UTP20: variants seen among roughly 807,000 people sequenced by gnomAD.
UTP20 encodes the protein small subunit processome component 20 homolog.
A neutral mutation model predicts 329.5 loss-of-function variants in UTP20; 164 were observed. The observed-to-expected ratio is 0.50, with a 90% CI of 0.44 to 0.57. UTP20 has a LOEUF of 0.57. Among genes scored for constraint, UTP20 ranks in the 20% least tolerant of loss-of-function variants. UTP20 has a pLI of 0.00. For synonymous variants in UTP20, 1,151 were observed against 1,159.3 expected (o/e 0.99, Z 0.14); for missense variants, 3,055 against 3,284.2 (o/e 0.93, Z 1.71).
At position 101,338,824 on chromosome 12, in the gene UTP20, A is replaced by G. The variant is rs777969594; in HGVS notation, c.3880A>G (p.Ile1294Val). ...ACTATCTATTTCAGAGTCTATCACA[A>G]TAGGAGGAAGATTAATTCTACCTCA... is the stretch of plus-strand genomic sequence containing the variant. ...IAENIGESIT[I>V]GGRLILPHVP... The change falls in exon 31 of 62, where the codon ATA (isoleucine) becomes GTA (valine). Residue 1294 changes from isoleucine (I) to valine (V), a missense_variant. This residue lies in a region of UTP20 where 2,445 missense variants were observed against 2,575.5 expected (regional missense o/e 0.95). Transcript: ENST00000261637. The G allele has an allele frequency of 1.9e-6, 3 of 1,608,568 alleles. No individual in the cohort carries two copies. The highest frequency in any genetic ancestry group is 1.1e-5 in the South Asian group (1 of 90,042).
In UTP20 at chr12:101,280,275, C is replaced by T. The variant is rs572663695; in HGVS notation, c.-8C>T. The T allele has an allele frequency of 1.8e-4, 281 of 1,551,764 alleles. No individual in the cohort carries two copies. Among genetic ancestry groups the T allele is most frequent in the Non-Finnish European group, 2.3e-4 (267 of 1,147,002 alleles). The stretch of plus-strand genomic sequence containing the variant: ...GAGGCCGTCGCGGGCCACTGGCCCT[C>T]TGCAGCCATGAAGACAAAGCCCGTT... On this transcript the variant is annotated 5_prime_UTR_variant, in exon 1 of 62. Coordinates refer to ENST00000261637, the MANE Select transcript of UTP20 (RefSeq NM_014503.3).
At chr12:101,335,569 C>T (rs901320640) in intron 29 of UTP20, among the ~76,000 whole-genome samples, 1 of 152,200 alleles carries the variant, frequency 6.6e-6, no homozygotes, top group African/African-American at 2.4e-5. Flanking sequence ...TTTTCTAGAC[C>T]ATTGTCTTCT....
chr12:101,372,107 C>T (rs539331825), intron 51 of UTP20, among the ~76,000 whole-genome samples: 1 of 152,350 alleles, frequency 6.6e-6, no homozygotes, highest in East Asian at 1.9e-4. Flanking sequence ...TAAGCACTAG[C>T]TGTGTGCCTA....
chr12:101,357,142 G>C, intron 43 of UTP20, 60 bp downstream of exon 43: 1 of 1,493,180 alleles, frequency 6.7e-7, no homozygotes, highest in Non-Finnish European at 9.1e-7. Context: ...TTTGCAGCTT[G>C]AACACTGTAA....
Position 101,373,605 on chromosome 12 carries a change from C to T in UTP20, c.6969C>T (p.Cys2323=), listed in dbSNP as rs145030584. 3.6e-5 allele frequency: 58 copies of T among 1,611,178 alleles called. No homozygotes were observed. Among genetic ancestry groups the T allele is most frequent in the African/African-American group, 9.4e-5 (7 of 74,708 alleles). Reference sequence around the variant, plus strand: ...TTTAGGGGCTGCTCCATGAGAACTGCGGAATGTTCTTTATCCCTCTTTGTC... The same window carrying T: ...TTTAGGGGCTGCTCCATGAGAACTGTGGAATGTTCTTTATCCCTCTTTGTC... ...TFPQGLLHEN[C]GMFFIPLCLM... Residue 2323 remains cysteine (C), a synonymous_variant, in exon 54 of 62, where the codon TGC becomes TGT. Coordinates refer to ENST00000261637, the MANE Select transcript of UTP20 (RefSeq NM_014503.3).
intron 5 of UTP20, among the ~76,000 whole-genome samples, chr12:101,286,800 CCTCTTGGCAT>C (rs1189543642): frequency 6.6e-6 from 1 of 152,046 alleles, no homozygotes; most frequent in Admixed American, 6.6e-5. Context: ...TACTCTCTAT[CCTCTTGGCAT>C]TTTTTAACCA....
At chr12:101,343,829 A>G (rs1869233841) in intron 35 of UTP20, among the ~76,000 whole-genome samples, 1 of 152,188 alleles carries the variant, frequency 6.6e-6, no homozygotes, top group African/African-American at 2.4e-5. Context: ...AAGTTTTTTA[A>G]AAGGGTGAAT....
At chr12:101,294,143 C>T (rs1231612958) in intron 11 of UTP20, among the ~76,000 whole-genome samples, 1 of 151,976 alleles carries the variant, frequency 6.6e-6, no homozygotes, top group Non-Finnish European at 1.5e-5. Context: ...TCATGCCATT[C>T]TCCTGCCTCA....
At chr12:101,368,087 G>A (rs1870157648) in intron 48 of UTP20, 111 bp downstream of exon 48, 4 of 767,576 alleles carry the variant, frequency 5.2e-6, no homozygotes, top group Non-Finnish European at 8.4e-6. Flanking sequence ...GATGATTGAG[G>A]TGTTTTTGTT....
Position 101,363,619 on chromosome 12 carries a change from A to C in UTP20, c.5834A>C (p.Glu1945Ala). Reference sequence around the variant, plus strand: ...TTTGGTGCTGTTGCTGAAGAGAAGGAAGTAAAGCAGATCCTCTCCAAAGTC... The same window carrying C: ...TTTGGTGCTGTTGCTGAAGAGAAGGCAGTAAAGCAGATCCTCTCCAAAGTC... ...ELFGAVAEEK[E>A]VKQILSKVME... Residue 1945 changes from glutamate (E) to alanine (A), a missense_variant, in exon 45 of 62, where the codon GAA (glutamate) becomes GCA (alanine). Transcript: ENST00000261637. 1 of 1,614,132 alleles carries C rather than the reference A, an allele frequency of 6.2e-7. No homozygotes were observed. Among genetic ancestry groups the C allele is most frequent in the Non-Finnish European group, 8.5e-7 (1 of 1,180,014 alleles).
chr12:101,370,130 G>A (rs574387636), intron 49 of UTP20, among the ~76,000 whole-genome samples: 33 of 152,184 alleles, frequency 2.2e-4, no homozygotes, highest in African/African-American at 7.9e-4. Flanking sequence ...TGAGGCAGGA[G>A]GATCACTTGA....
At position 101,370,437 on chromosome 12, in the gene UTP20, G is replaced by T; in HGVS notation, c.6561G>T (p.Val2187=). Residue 2187 remains valine, a synonymous_variant, in exon 50 of 62, where the codon GTG becomes GTT. Coordinates refer to ENST00000261637, the MANE Select transcript of UTP20 (RefSeq NM_014503.3). ...ATCACTATTGTAACTTGCAGTGTGT[G>T]ACCATACTTGTCAAGAAAGTCAAGT... The part of the protein sequence containing the change: ...FHLVVNCFKC[V]TILVKKVKSY... 6.2e-7 allele frequency: 1 copy of T among 1,613,278 alleles called. No homozygotes were observed. The highest frequency in any genetic ancestry group is 1.1e-5 in the South Asian group (1 of 90,784).
Position 101,344,032 on chromosome 12 carries a change from A to G in UTP20, c.4450-563A>G, listed in dbSNP as rs570102695. 2.0e-5 allele frequency among the ~76,000 whole-genome samples: 3 copies of G among 152,228 alleles called. No homozygotes were observed. In the South Asian group the frequency reaches 6.2e-4, roughly 31 times the overall value. On this transcript the variant is annotated intron_variant, in intron 35 of 61. Transcript: ENST00000261637. ...TTATTGTTAATCATGTAGTGGCATC[A>G]GTGATCTCTTTGTGGCATTTTATAG...
intron 48 of UTP20, 69 bp downstream of exon 48, chr12:101,368,045 C>A: frequency 9.0e-7 from 1 of 1,105,274 alleles, no homozygotes; most frequent in Non-Finnish European, 1.4e-6. Context: ...TGCAGAATAC[C>A]TAATGGTTGT....
rs1027926007 is a variant in UTP20, at chr12:101,298,278, C to T, written c.1431-1404C>T. Among the ~76,000 whole-genome samples the T allele has an allele frequency of 5.9e-5, 9 of 151,948 alleles. No individual in the cohort carries two copies. In the South Asian group the frequency reaches 6.3e-4, roughly 11 times the overall value. On this transcript the variant is annotated intron_variant, in intron 12 of 61. Transcript: ENST00000261637. ...AAGCGAGATGATTTCAGATCCTGAT[C>T]GTGATAAAAGAAGACAAAGCAGTGT...
rs746719745 is a variant in UTP20 at position 101,365,565 on chromosome 12, T to C, written c.6065T>C (p.Ile2022Thr). ...IVNQEMTAES[I>T]LLLSYGLISE... The stretch of plus-strand genomic sequence containing the variant: ...AATCAGGAAATGACAGCTGAATCCA[T>C]TCTATTACTCAGTTATGGTTTGATC... The change falls in exon 46 of 62, where the codon ATT becomes ACT. Residue 2022 changes from isoleucine (I) to threonine (T), a missense_variant. Around this residue, in one of 3 missense-constraint regions of UTP20, gnomAD observed 2,445 missense variants for 2,575.5 expected, o/e 0.95. Transcript: ENST00000261637. 3.1e-6 allele frequency: 5 copies of C among 1,612,850 alleles called. No individual in the cohort carries two copies. Among genetic ancestry groups the C allele is most frequent in the East Asian group, 4.5e-5 (2 of 44,828 alleles).
chr12:101,315,905 A>T (rs1202885529), intron 21 of UTP20, among the ~76,000 whole-genome samples: 1 of 152,178 alleles, frequency 6.6e-6, no homozygotes, highest in Non-Finnish European at 1.5e-5. Context: ...TGTGGGGTAG[A>T]GGTAGAAACA....
chr12:101,343,199 A>G lies in UTP20; in HGVS notation c.4449+106A>G, dbSNP rs984380398. 7.3e-6 allele frequency: 5 copies of G among 688,004 alleles called. No homozygotes were observed. The African/African-American group carries it at 9.3e-5, about 13-fold the overall frequency. 42.6% of individuals were successfully genotyped at this position (688,004 alleles called of 1,614,324 possible). On this transcript the variant is annotated intron_variant, in intron 35 of 61. Coordinates refer to ENST00000261637, the MANE Select transcript of UTP20 (RefSeq NM_014503.3). ...AAATTTGTTTTTTGAGGGGGGACAAAGGTTTTTAGGATTAAATTTCTTTTA... is the reference window on the plus strand; with the variant it reads ...AAATTTGTTTTTTGAGGGGGGACAAGGGTTTTTAGGATTAAATTTCTTTTA...
intron 2 of UTP20, among the ~76,000 whole-genome samples, chr12:101,281,871 A>AT (rs1337944778): frequency 6.6e-6 from 1 of 151,706 alleles, no homozygotes; most frequent in East Asian, 1.9e-4. Flanking sequence ...CACCCAGCTA[A>AT]TTTTTGCATT....
Sources: gnomAD v4.1 joint callset for allele counts (sites outside exome capture counted in the v4.1 genomes callset) on GRCh38, gnomAD v4.1.1 for gene constraint, gnomAD v4.1.1 regional missense constraint, MANE v1.5 for transcripts, NCBI Gene and HGNC (gene_info 2026-07-23, HGNC 2026-07-21) for gene names.